DPP10: variants seen among roughly 807,000 people sequenced by gnomAD.
DPP10 encodes dipeptidyl peptidase like 10.
DPP10 carries 33 observed loss-of-function variants against 120.9 expected under a neutral mutation model. The ratio of observed to expected loss-of-function variants is 0.27; its 90% CI spans 0.21 to 0.37. DPP10 has a LOEUF of 0.37. DPP10 is among the 10% of genes least tolerant of loss of function. The probability of loss-of-function intolerance (pLI) is 1.00; values close to 1 mark genes in which losing one functional copy is unlikely to be tolerated. For missense variants in DPP10, 816 were observed against 942.8 expected (o/e 0.87, Z 1.76); for synonymous variants, 337 against 326.1 (o/e 1.03, Z -0.36).
At chr2:114,471,440 A>T (rs1401447938) in intron 1 of DPP10, among the ~76,000 whole-genome samples, 1 of 152,138 alleles carries the variant, frequency 6.6e-6, no homozygotes, top group African/African-American at 2.4e-5. Context: ...GGATGGTAAC[A>T]AGATTGAGCA....
In DPP10 at chr2:115,753,219, T is replaced by C; in HGVS notation, c.996T>C (p.Thr332=). Residue 332 remains threonine (T), a synonymous_variant, in exon 11 of 26, where the codon ACT becomes ACC. Transcript: ENST00000410059. ...TMVKWVSNTK[T]VVRWLNRAQN... is the part of the protein sequence containing the mutation. Reference sequence around the variant, plus strand: ...TTAAATGGGTAAGCAATACCAAGACTGTGGTAAGATGGTTAAACCGAGCTC... The same window carrying C: ...TTAAATGGGTAAGCAATACCAAGACCGTGGTAAGATGGTTAAACCGAGCTC... The C allele has an allele frequency of 5.0e-6, 8 of 1,612,162 alleles. No individual in the cohort carries two copies. Among genetic ancestry groups the C allele is most frequent in the Non-Finnish European group, 6.8e-6 (8 of 1,178,728 alleles).
At chr2:115,630,629 T>G (rs944864488) in intron 5 of DPP10, among the ~76,000 whole-genome samples, 16 of 152,304 alleles carry the variant, frequency 1.1e-4, no homozygotes, top group Admixed American at 1.0e-3. Context: ...ATGTTGAATT[T>G]TATCAAAGGC....
intron 3 of DPP10, among the ~76,000 whole-genome samples, chr2:115,430,997 C>T (rs1021786689): frequency 6.6e-6 from 1 of 152,132 alleles, no homozygotes; most frequent in Non-Finnish European, 1.5e-5. Context: ...CAGTACTCTG[C>T]CAGACACATT....
At chr2:114,557,358 G>A (rs1207228952) in intron 1 of DPP10, among the ~76,000 whole-genome samples, 1 of 152,138 alleles carries the variant, frequency 6.6e-6, no homozygotes, top group African/African-American at 2.4e-5. Context: ...CAGCCTATAG[G>A]TGGGGCATAT....
intron 9 of DPP10, among the ~76,000 whole-genome samples, chr2:115,743,206 A>G (rs554480798): frequency 6.6e-5 from 10 of 152,226 alleles, no homozygotes; most frequent in African/African-American, 2.4e-4. Context: ...TAAAATTTAC[A>G]AATGAACTTG....
intron 11 of DPP10, among the ~76,000 whole-genome samples, chr2:115,761,845 T>C (rs768121082): frequency 4.5e-4 from 68 of 152,286 alleles, no homozygotes; most frequent in Non-Finnish European, 4.4e-4. Flanking sequence ...GCCCCTAATA[T>C]GTTGTTACTT....
chr2:114,893,007 A>T (rs1558851624), intron 1 of DPP10, among the ~76,000 whole-genome samples: 1 of 152,204 alleles, frequency 6.6e-6, no homozygotes, highest in Admixed American at 6.5e-5. Flanking sequence ...TATTCCATGG[A>T]CCACCAATAT....
chr2:115,753,767 C>G (rs1374451815), intron 11 of DPP10, among the ~76,000 whole-genome samples: 1 of 152,140 alleles, frequency 6.6e-6, no homozygotes, highest in Non-Finnish European at 1.5e-5. Context: ...ATGAACTACT[C>G]TGTTTTGAAA....
chr2:115,631,925 G>A (rs1386332052), intron 5 of DPP10, among the ~76,000 whole-genome samples: 1 of 152,102 alleles, frequency 6.6e-6, no homozygotes, highest in Admixed American at 6.6e-5. Flanking sequence ...TATCTATCAG[G>A]TACACTTGCT....
intron 3 of DPP10, among the ~76,000 whole-genome samples, chr2:115,402,862 T>A (rs201810611): frequency 0.16 from 20,098 of 128,358 alleles, 2,047 homozygotes; most frequent in East Asian, 0.31. Flanking sequence ...AAAATATATA[T>A]ATATATATAT....
chr2:115,756,848 C>T (rs945451510), intron 11 of DPP10, among the ~76,000 whole-genome samples: 2 of 151,966 alleles, frequency 1.3e-5, no homozygotes, highest in East Asian at 1.9e-4. Flanking sequence ...CTTCTTGCTG[C>T]ATCATCCCAT....
At chr2:114,478,061 A>G (rs1680678174) in intron 1 of DPP10, among the ~76,000 whole-genome samples, 1 of 151,996 alleles carries the variant, frequency 6.6e-6, no homozygotes, top group African/African-American at 2.4e-5. Flanking sequence ...GCAGCTAAAA[A>G]TACTGCTGCT....
intron 3 of DPP10, among the ~76,000 whole-genome samples, chr2:115,363,992 A>G (rs2064938315): frequency 1.4e-4 from 1 of 7,232 alleles, no homozygotes; most frequent in Admixed American, 1.9e-3. Flanking sequence ...TTAGTAGCAA[A>G]GGTGGAGGTA....
chr2:115,592,315 A>G (rs11688357), intron 5 of DPP10, among the ~76,000 whole-genome samples: 64,269 of 151,962 alleles, frequency 0.42, 16,525 homozygotes, highest in Non-Finnish European at 0.58. Flanking sequence ...CTTGACTGGC[A>G]AGGGTGGTCT....
At chr2:114,616,322 A>T (rs1693672914) in intron 1 of DPP10, among the ~76,000 whole-genome samples, 2 of 152,126 alleles carry the variant, frequency 1.3e-5, no homozygotes, top group Non-Finnish European at 2.9e-5. Context: ...ACGTTGGGCC[A>T]ATGAGGAGAC....
intron 2 of DPP10, among the ~76,000 whole-genome samples, chr2:115,323,898 G>T (rs1332866863): frequency 6.6e-6 from 1 of 152,156 alleles, no homozygotes; most frequent in Non-Finnish European, 1.5e-5. Context: ...CACAAGCTGA[G>T]TAGCTTTAGC....
intron 7 of DPP10, among the ~76,000 whole-genome samples, chr2:115,709,911 A>C (rs888335825): frequency 6.6e-6 from 1 of 152,190 alleles, no homozygotes; most frequent in Admixed American, 6.6e-5. Context: ...AAAAAACACA[A>C]ATTTACATAT....
intron 15 of DPP10, among the ~76,000 whole-genome samples, chr2:115,779,931 T>C (rs952855291): frequency 2.6e-5 from 4 of 151,974 alleles, no homozygotes; most frequent in African/African-American, 9.7e-5. Flanking sequence ...AATTGTGATT[T>C]TGTGAACTGT....
At chr2:115,182,271 A>G (rs1396871107) in intron 1 of DPP10, among the ~76,000 whole-genome samples, 3 of 152,206 alleles carry the variant, frequency 2.0e-5, no homozygotes, top group Non-Finnish European at 4.4e-5. Flanking sequence ...TAAGGAAGGG[A>G]CAAGTACACA....
Sources: gnomAD v4.1 joint callset for allele counts (sites outside exome capture counted in the v4.1 genomes callset) on GRCh38, gnomAD v4.1.1 for gene constraint, MANE v1.5 for transcripts, NCBI Gene and HGNC (gene_info 2026-07-23, HGNC 2026-07-21) for gene names.